The following NIM1K variants were observed in gnomAD, a reference collection of about 807,000 sequenced individuals.
NIM1K encodes serine/threonine-protein kinase NIM1.
A neutral mutation model predicts 37.1 loss-of-function variants in NIM1K; 35 were observed. The ratio of observed to expected loss-of-function variants is 0.94; its 90% CI spans 0.72 to 1.25. NIM1K has a LOEUF of 1.25. NIM1K is among the 50% of genes most tolerant of loss of function. The probability of loss-of-function intolerance (pLI) is 0.00; values close to 1 mark genes in which losing one functional copy is unlikely to be tolerated. For missense variants in NIM1K, 564 were observed against 548.0 expected (o/e 1.03, Z -0.29); for synonymous variants, 234 against 206.6 (o/e 1.13, Z -1.14).
At chr5:43,237,842 A>G (rs1752643223) in intron 1 of NIM1K, among the ~76,000 whole-genome samples, 1 of 151,900 alleles carries the variant, frequency 6.6e-6, no homozygotes, top group African/African-American at 2.4e-5. Flanking sequence ...TTCTCACTGT[A>G]CTGTTTTTTA....
chr5:43,215,986 A>AAAAAG (rs1449619548), intron 1 of NIM1K, among the ~76,000 whole-genome samples: 5 of 152,102 alleles, frequency 3.3e-5, no homozygotes, highest in African/African-American at 1.2e-4. Flanking sequence ...GAAATACATC[A>AAAAAG]CTGGGGATGC....
rs181129292 is a variant in NIM1K, at chr5:43,224,550, A to G, written c.-694-20532A>G. Among the ~76,000 whole-genome samples the G allele has an allele frequency of 2.9e-3, 436 of 151,974 alleles. 3 individuals are homozygous for G. The highest frequency in any genetic ancestry group is 0.01 in the African/African-American group (424 of 41,430). ...ACAGTTGTCCCTCAGTAACTGAGGG[A>G]TTGGTTTTTTTACCTAAAAGGAAGA... On this transcript the variant is annotated intron_variant, in intron 1 of 3. Transcript: ENST00000326035.
In NIM1K at chr5:43,237,483, G is replaced by A. The variant is rs767980775; in HGVS notation, c.-694-7599G>A. Among the ~76,000 whole-genome samples, 48 of 152,156 alleles carry A rather than the reference G, an allele frequency of 3.2e-4. 1 individual carries two copies. Among genetic ancestry groups the A allele is most frequent in the Non-Finnish European group, 4.3e-4 (29 of 68,020 alleles). On this transcript the variant is annotated intron_variant, in intron 1 of 3. Transcript: ENST00000326035. ...AATTGATCAAAATCTAAAGGGCAAA[G>A]GCAAAAGAACAACAACAAAAAACTC...
intron 1 of NIM1K, chr5:43,232,489 A>C (rs1399336482): frequency 1.8e-5 from 27 of 1,515,418 alleles, no homozygotes; most frequent in Middle Eastern, 1.7e-4. Context: ...CTATCAACCT[A>C]TTCAGTTTAG....
At position 43,215,604 on chromosome 5, in the gene NIM1K, T is replaced by TTGTA. The variant is rs201888266; in HGVS notation, c.-695+23197_-695+23200dup. ...GTGCGCCACCACGCCCAGCTAATTT[T>TTGTA]TGTATGTTTAGTAGAGACGATGTTT... On this transcript the variant is annotated intron_variant, in intron 1 of 3. Transcript: ENST00000326035. 3.1e-4 allele frequency among the ~76,000 whole-genome samples: 47 copies of TTGTA among 152,304 alleles called. No individual in the cohort carries two copies. In the East Asian group the frequency reaches 8.9e-3, roughly 29 times the overall value.
chr5:43,265,240 A>C (rs1753123052), intron 2 of NIM1K, among the ~76,000 whole-genome samples: 1 of 152,164 alleles, frequency 6.6e-6, no homozygotes, highest in Non-Finnish European at 1.5e-5. Flanking sequence ...TCTCTCCGTC[A>C]CTTTCAGGTA....
chr5:43,276,963 T>C, intron 2 of NIM1K, 94 bp from the exon 3 acceptor site: 1 of 1,267,168 alleles, frequency 7.9e-7, no homozygotes, highest in East Asian at 2.3e-5. Flanking sequence ...AGCCACTCTC[T>C]GTCTAGTAAA....
intron 1 of NIM1K, chr5:43,233,164 G>A (rs550315707): frequency 4.7e-6 from 6 of 1,267,584 alleles, no homozygotes; most frequent in South Asian, 1.2e-5. Context: ...ATGGAGATGC[G>A]GTCACGCATG....
chr5:43,274,907 T>C (rs1162207676), intron 2 of NIM1K, among the ~76,000 whole-genome samples: 1 of 152,238 alleles, frequency 6.6e-6, no homozygotes, highest in Non-Finnish European at 1.5e-5. Context: ...TACTTTGGGA[T>C]CCTGTTCTGT....
At chr5:43,243,742 C>T (rs1467892735) in intron 1 of NIM1K, among the ~76,000 whole-genome samples, 1 of 152,110 alleles carries the variant, frequency 6.6e-6, no homozygotes, top group African/African-American at 2.4e-5. Context: ...GTGGCTTGAT[C>T]TCAGCTCACT....
intron 2 of NIM1K, among the ~76,000 whole-genome samples, chr5:43,253,206 TA>T (rs1445676522): frequency 1.2e-5 from 1 of 85,182 alleles, no homozygotes; most frequent in African/African-American, 4.1e-5. Flanking sequence ...ATATATAATA[TA>T]ATATATGTGT....
At chr5:43,267,288 G>T (rs1753180021) in intron 2 of NIM1K, among the ~76,000 whole-genome samples, 1 of 151,996 alleles carries the variant, frequency 6.6e-6, no homozygotes, top group South Asian at 2.1e-4. Flanking sequence ...TTGTATTTCT[G>T]TTTCATTGGT....
intron 2 of NIM1K, among the ~76,000 whole-genome samples, chr5:43,271,826 C>A (rs1351215580): frequency 2.0e-5 from 3 of 152,184 alleles, no homozygotes; most frequent in African/African-American, 7.2e-5. Flanking sequence ...ACCTCCTAAC[C>A]CCCTATACCC....
chr5:43,232,423 A>G, intron 1 of NIM1K: 1 of 1,468,426 alleles, frequency 6.8e-7, no homozygotes, highest in East Asian at 2.3e-5. Context: ...CTGTCAGATC[A>G]ACATTCAGGA....
At chr5:43,269,310 AAAAAAAAAAG>A (rs1390409092) in intron 2 of NIM1K, among the ~76,000 whole-genome samples, 4 of 144,188 alleles carry the variant, frequency 2.8e-5, no homozygotes, top group East Asian at 2.0e-4. Flanking sequence ...CTTCATCTCA[AAAAAAAAAAG>A]AAAAAAAAAA....
chr5:43,227,032 C>T (rs1177989323), intron 1 of NIM1K, among the ~76,000 whole-genome samples: 7 of 152,144 alleles, frequency 4.6e-5, no homozygotes, highest in Non-Finnish European at 1.0e-4. Flanking sequence ...ACAGATAATC[C>T]GTGCCTAGCT....
chr5:43,197,722 A>G (rs892199135), intron 1 of NIM1K, among the ~76,000 whole-genome samples: 2 of 152,250 alleles, frequency 1.3e-5, no homozygotes, highest in African/African-American at 4.8e-5. Flanking sequence ...TACTTGCTGA[A>G]TCACACCTGG....
intron 1 of NIM1K, among the ~76,000 whole-genome samples, chr5:43,223,514 T>C (rs761209368): frequency 1.3e-5 from 2 of 152,268 alleles, no homozygotes; most frequent in African/African-American, 4.8e-5. Context: ...ATATCTCATT[T>C]TCCACATTGC....
chr5:43,250,060 G>C (rs1752845074), intron 2 of NIM1K, among the ~76,000 whole-genome samples: 1 of 151,666 alleles, frequency 6.6e-6, no homozygotes, highest in African/African-American at 2.4e-5. Context: ...CACCATGTTA[G>C]CCAGGATGGT....
Sources: allele counts gnomAD v4.1 joint callset (sites outside exome capture counted in the v4.1 genomes callset), GRCh38; gene constraint gnomAD v4.1.1; transcripts MANE v1.5; gene names NCBI Gene and HGNC (gene_info 2026-07-23, HGNC 2026-07-21).